Variants in CDC123 observed in about 807,000 individuals in gnomAD.
CDC123 encodes translation initiation factor eIF2 assembly protein.
In CDC123, 37 loss-of-function variants were observed where a neutral mutation model predicts 54.4. That is an observed-to-expected ratio of 0.68 (90% CI 0.52 to 0.89). The LOEUF (loss-of-function observed/expected upper bound fraction) is 0.89. Ranked by LOEUF, CDC123 falls within the 40% of genes least tolerant of loss-of-function variation. CDC123 has a pLI of 0.00. For synonymous variants in CDC123, 144 were observed against 136.8 expected (o/e 1.05, Z -0.37); for missense variants, 361 against 412.1 (o/e 0.88, Z 1.07).
chr10:12,207,197 T>C (rs1459936873), intron 2 of CDC123, among the ~76,000 whole-genome samples: 1 of 152,152 alleles, frequency 6.6e-6, no homozygotes, highest in Non-Finnish European at 1.5e-5. Flanking sequence ...CTCTGAATTT[T>C]ATTATTTCTT....
intron 6 of CDC123, among the ~76,000 whole-genome samples, chr10:12,229,084 A>G (rs1317171310): frequency 6.6e-6 from 1 of 151,146 alleles, no homozygotes; most frequent in Middle Eastern, 3.4e-3. Flanking sequence ...TTCTGTGTCC[A>G]CTCCCATTCC....
At chr10:12,219,924 G>A (rs563256193) in intron 6 of CDC123, among the ~76,000 whole-genome samples, 1 of 152,046 alleles carries the variant, frequency 6.6e-6, no homozygotes, top group Non-Finnish European at 1.5e-5. Flanking sequence ...TCCTCACCTC[G>A]TGATCCGCCT....
chr10:12,238,590 T>C lies in CDC123; in HGVS notation c.717+105T>C. The C allele has an allele frequency of 3.3e-5, 46 of 1,404,730 alleles. No individual in the cohort carries two copies. In the South Asian group the frequency reaches 6.0e-4, roughly 18 times the overall value. The allele number at this position is 1,404,730 out of a possible 1,614,324, so 87.0% of individuals were successfully genotyped here. A position where few individuals can be genotyped will look rare whatever the true frequency, so the allele number is the denominator to read the frequency against. ...GTGAAGGATCCATGCTCAAAAAATATTTTGTCTGGGTGCAGCAGCTCATGC... is the reference window on the plus strand; with the variant it reads ...GTGAAGGATCCATGCTCAAAAAATACTTTGTCTGGGTGCAGCAGCTCATGC... On this transcript the variant is annotated intron_variant, in intron 10 of 12. Transcript: ENST00000281141.
intron 2 of CDC123, among the ~76,000 whole-genome samples, chr10:12,200,340 T>TG (rs1835424982): frequency 6.6e-6 from 1 of 150,660 alleles, no homozygotes; most frequent in African/African-American, 2.4e-5. Flanking sequence ...TTGGCCGGGC[T>TG]GTCTTGAACT....
intron 2 of CDC123, among the ~76,000 whole-genome samples, chr10:12,202,684 G>A (rs1299454264): frequency 6.6e-6 from 1 of 152,222 alleles, no homozygotes; most frequent in African/African-American, 2.4e-5. Flanking sequence ...TCGCAGAACT[G>A]AGGGAAACAT....
At chr10:12,242,597 C>T (rs142762059) in intron 10 of CDC123, among the ~76,000 whole-genome samples, 65 of 152,260 alleles carry the variant, frequency 4.3e-4, no homozygotes, top group Middle Eastern at 3.4e-3. Flanking sequence ...TATTGGATTG[C>T]CTCAAAGCAG....
At chr10:12,236,868 G>T (rs1297300137) in intron 8 of CDC123, among the ~76,000 whole-genome samples, 1 of 150,866 alleles carries the variant, frequency 6.6e-6, no homozygotes, top group Non-Finnish European at 1.5e-5. Context: ...TCCAGCCTGG[G>T]CAATAGAGTG....
chr10:12,201,063 C>T (rs371049604), intron 2 of CDC123, among the ~76,000 whole-genome samples: 3 of 152,218 alleles, frequency 2.0e-5, no homozygotes, highest in East Asian at 3.8e-4. Flanking sequence ...TGGCATGGTG[C>T]TGTTTCTTTA....
chr10:12,233,797 G>T (rs1355191944), intron 7 of CDC123, among the ~76,000 whole-genome samples: 1 of 151,750 alleles, frequency 6.6e-6, no homozygotes, highest in Non-Finnish European at 1.5e-5. Flanking sequence ...CTTTAAATGT[G>T]TTTTTTTAAT....
chr10:12,232,336 C>T lies in CDC123; in HGVS notation c.489+1340C>T, dbSNP rs574805502. ...CATTTTCATTTTTGGTCATATAACA[C>T]CAATTCGAATTAGTGCAGTAATTTT... On this transcript the variant is annotated intron_variant, in intron 7 of 12. Coordinates refer to ENST00000281141, the MANE Select transcript of CDC123 (RefSeq NM_006023.3). Among the ~76,000 whole-genome samples, 5 of 152,142 alleles carry T rather than the reference C, an allele frequency of 3.3e-5. No homozygotes were observed. In the East Asian group the frequency reaches 9.7e-4, roughly 29 times the overall value.
chr10:12,215,929 C>T, intron 5 of CDC123, 94 bp downstream of exon 5: 1 of 691,702 alleles, frequency 1.4e-6, no homozygotes, highest in Non-Finnish European at 2.3e-6. Context: ...TAATTATATT[C>T]CTAATTCTAG....
At chr10:12,225,773 T>TA (rs1835804628) in intron 6 of CDC123, among the ~76,000 whole-genome samples, 1 of 109,304 alleles carries the variant, frequency 9.1e-6, no homozygotes, top group African/African-American at 3.2e-5. Context: ...TTTTTTTTTT[T>TA]AGTATTTATT....
intron 4 of CDC123, among the ~76,000 whole-genome samples, chr10:12,215,179 C>T (rs965982504): frequency 6.6e-5 from 10 of 152,142 alleles, no homozygotes; most frequent in African/African-American, 2.4e-4. Context: ...AACGTTTTAC[C>T]TTGACTAAGG....
Position 12,231,071 on chromosome 10 carries a change from AAATG to A in CDC123, c.489+82_489+85del, listed in dbSNP as rs1410939949. ...TTGCTATTTATTCTTAAGTGAAATGAAATGAATGAAGTTTCTTGGATTAATTTCT... is the reference window on the plus strand; with the variant it reads ...TTGCTATTTATTCTTAAGTGAAATGAAATGAAGTTTCTTGGATTAATTTCT... On this transcript the variant is annotated intron_variant, in intron 7 of 12. Transcript: ENST00000281141. 4.1e-5 allele frequency: 55 copies of A among 1,346,426 alleles called. No individual in the cohort carries two copies. The East Asian group carries it at 1.0e-3, about 25-fold the overall frequency. 83.4% of individuals were successfully genotyped at this position (1,346,426 alleles called of 1,614,324 possible). A position where few individuals can be genotyped will look rare whatever the true frequency, so the allele number is the denominator to read the frequency against.
In CDC123 at chr10:12,225,114, G is replaced by A. The variant is rs1036648001; in HGVS notation, c.441-5834G>A. ...CAGAATAATGATTTCTAAAATATGGGCTGGGTGCGGTGGCTCACATCTGTA... is the reference window on the plus strand; with the variant it reads ...CAGAATAATGATTTCTAAAATATGGACTGGGTGCGGTGGCTCACATCTGTA... On this transcript the variant is annotated intron_variant, in intron 6 of 12. Coordinates refer to ENST00000281141, the MANE Select transcript of CDC123 (RefSeq NM_006023.3). 8.6e-4 allele frequency among the ~76,000 whole-genome samples: 131 copies of A among 152,276 alleles called. 1 individual carries two copies. Among genetic ancestry groups the A allele is most frequent in the African/African-American group, 3.1e-3 (130 of 41,544 alleles).
rs772977572 is a variant in CDC123, at chr10:12,250,440, G to T, written c.*103G>T. 1.2e-6 allele frequency: 1 copy of T among 866,182 alleles called. No individual in the cohort carries two copies. Among genetic ancestry groups the T allele is most frequent in the Non-Finnish European group, 2.0e-6 (1 of 499,674 alleles). The allele number at this position is 866,182 out of a possible 1,614,324, so 53.7% of individuals were successfully genotyped here. On this transcript the variant is annotated 3_prime_UTR_variant, in exon 13 of 13. Transcript: ENST00000281141. ...GACCCTGATGCGGGTGGGCCGAGCA[G>T]TGTGGACATCAGCCACTTTTTATAT...
chr10:12,196,461 T>G, intron 1 of CDC123, 142 bp downstream of exon 1: 1 of 1,144,000 alleles, frequency 8.7e-7, no homozygotes, highest in Non-Finnish European at 1.3e-6. Context: ...ACATCAGCAA[T>G]TGTCTGCGTC....
chr10:12,238,865 C>CA (rs1564257979), intron 10 of CDC123, among the ~76,000 whole-genome samples: 2 of 151,954 alleles, frequency 1.3e-5, no homozygotes, highest in South Asian at 2.1e-4. Context: ...ACTAAAAATA[C>CA]AAAAAAATGA....
At chr10:12,227,874 C>T (rs1468835410) in intron 6 of CDC123, among the ~76,000 whole-genome samples, 1 of 152,046 alleles carries the variant, frequency 6.6e-6, no homozygotes, top group Non-Finnish European at 1.5e-5. Flanking sequence ...ATATGCTGAT[C>T]CTTGGGGGCG....
Sources: gnomAD v4.1 joint callset for allele counts (sites outside exome capture counted in the v4.1 genomes callset) on GRCh38, gnomAD v4.1.1 for gene constraint, MANE v1.5 for transcripts, NCBI Gene and HGNC (gene_info 2026-07-23, HGNC 2026-07-21) for gene names.